RABEP1: variants seen among roughly 807,000 people sequenced by gnomAD.
The protein encoded by RABEP1 is rabaptin, RAB GTPase binding effector protein 1.
Under a neutral mutation model 123.4 loss-of-function variants are expected in RABEP1, and 51 were observed. The ratio of observed to expected loss-of-function variants is 0.41; its 90% CI spans 0.33 to 0.52. The LOEUF is 0.52. Ranked by LOEUF, RABEP1 falls within the 20% of genes least tolerant of loss-of-function variation. The pLI, the probability that RABEP1 is intolerant of heterozygous loss-of-function variation, is 0.16. For synonymous variants in RABEP1, 347 were observed against 355.2 expected (o/e 0.98, Z 0.26); for missense variants, 888 against 996.3 (o/e 0.89, Z 1.46).
chr17:5,291,498 A>C (rs2075033540), intron 1 of RABEP1, among the ~76,000 whole-genome samples: 1 of 152,262 alleles, frequency 6.6e-6, no homozygotes, highest in Admixed American at 6.5e-5. Flanking sequence ...TACAAATAAA[A>C]ATATTTTAAA....
At chr17:5,357,803 G>A (rs2144665321) in intron 8 of RABEP1, among the ~76,000 whole-genome samples, 1 of 152,290 alleles carries the variant, frequency 6.6e-6, no homozygotes. Flanking sequence ...GCCACAGCAG[G>A]GAAGCACCAG....
At chr17:5,314,238 T>TTC (rs2075273260) in intron 2 of RABEP1, among the ~76,000 whole-genome samples, 1 of 120,520 alleles carries the variant, frequency 8.3e-6, no homozygotes, top group Non-Finnish European at 1.7e-5. Flanking sequence ...CCTATTCTTT[T>TTC]TTTTTTTTTT....
intron 1 of RABEP1, among the ~76,000 whole-genome samples, chr17:5,288,975 G>A (rs2075005806): frequency 6.6e-6 from 1 of 152,094 alleles, no homozygotes; most frequent in Admixed American, 6.6e-5. Context: ...CAAAGTGCTG[G>A]GATTATAGGA....
At position 5,385,860 on chromosome 17, in the gene RABEP1, G is replaced by A. The variant is rs901924203; in HGVS notation, c.*2637G>A. On this transcript the variant is annotated 3_prime_UTR_variant, in exon 18 of 18. Transcript: ENST00000537505. ...TCCTAGGGTTCTATCCCTCTTCAGAGTCATGTTTCTGGTGCTGCTACTTTA... is the reference window on the plus strand; with the variant it reads ...TCCTAGGGTTCTATCCCTCTTCAGAATCATGTTTCTGGTGCTGCTACTTTA... 3.6e-6 allele frequency: 1 copy of A among 276,962 alleles called. No individual in the cohort carries two copies. The highest frequency in any genetic ancestry group is 2.2e-5 in the African/African-American group (1 of 46,376). 17.2% of individuals were successfully genotyped at this position (276,962 alleles called of 1,614,324 possible).
Position 5,369,145 on chromosome 17 carries a change from G to C in RABEP1, c.1884+677G>C, listed in dbSNP as rs1159297104. Reference sequence around the variant, plus strand: ...AAAATAACCTTATTAGTTTCACAGGGGTTATGAAAAAAAACATGTAACTGT... The same window carrying C: ...AAAATAACCTTATTAGTTTCACAGGCGTTATGAAAAAAAACATGTAACTGT... On this transcript the variant is annotated intron_variant, in intron 12 of 17. Coordinates refer to ENST00000537505, the MANE Select transcript of RABEP1 (RefSeq NM_004703.6). Among the ~76,000 whole-genome samples the C allele has an allele frequency of 2.0e-5, 3 of 152,104 alleles. No individual in the cohort carries two copies. In the East Asian group the frequency reaches 5.8e-4, roughly 29 times the overall value.
intron 16 of RABEP1, 54 bp from the exon 17 acceptor site, chr17:5,381,335 C>CTAAG: frequency 6.3e-7 from 1 of 1,584,076 alleles, no homozygotes; most frequent in Non-Finnish European, 8.6e-7. Flanking sequence ...ACTGGATTTC[C>CTAAG]TAAGTAATTC....
At chr17:5,291,106 A>G (rs1053715376) in intron 1 of RABEP1, among the ~76,000 whole-genome samples, 3 of 152,214 alleles carry the variant, frequency 2.0e-5, no homozygotes, top group Non-Finnish European at 2.9e-5. Flanking sequence ...CATAAAGTAC[A>G]AAGTGTAAAA....
At chr17:5,294,633 CTTTTTTTTTTTTTTTTTTTTTT>C (rs1185209680) in intron 1 of RABEP1, among the ~76,000 whole-genome samples, 2 of 53,024 alleles carry the variant, frequency 3.8e-5, no homozygotes, top group African/African-American at 1.3e-4. Context: ...ACGGTATTGT[CTTTTTTTTTTTTTTTTTTTTTT>C]TTTTTTTTTT....
intron 8 of RABEP1, among the ~76,000 whole-genome samples, chr17:5,358,274 A>C (rs1478447268): frequency 6.6e-6 from 1 of 151,944 alleles, no homozygotes; most frequent in African/African-American, 2.4e-5. Context: ...ATTTTTCGTT[A>C]TAAGTAATGT....
intron 12 of RABEP1, among the ~76,000 whole-genome samples, chr17:5,370,632 G>C (rs1016306300): frequency 1.4e-4 from 22 of 152,124 alleles, no homozygotes; most frequent in Middle Eastern, 3.2e-3. Flanking sequence ...ATTTGATTCA[G>C]GTTAGACATC....
At chr17:5,303,470 G>C (rs1314775444) in intron 1 of RABEP1, among the ~76,000 whole-genome samples, 1 of 152,080 alleles carries the variant, frequency 6.6e-6, no homozygotes, top group Non-Finnish European at 1.5e-5. Flanking sequence ...TTGAACTCCT[G>C]TCCTGAAGAG....
Position 5,385,420 on chromosome 17 carries a change from T to A in RABEP1, c.*2197T>A. On this transcript the variant is annotated 3_prime_UTR_variant, in exon 18 of 18. Coordinates refer to ENST00000537505, the MANE Select transcript of RABEP1 (RefSeq NM_004703.6). ...TTTACCTCTTACCTGTAACCTACCT[T>A]ATCATGTGGCTTTTAATTGACAGTC... 1 of 227,022 alleles carries A rather than the reference T, an allele frequency of 4.4e-6. No individual in the cohort carries two copies. Among genetic ancestry groups the A allele is most frequent in the African/African-American group, 2.3e-5 (1 of 44,174 alleles). 14.1% of individuals were successfully genotyped at this position (227,022 alleles called of 1,614,324 possible).
At chr17:5,285,669 G>A (rs1215752552) in intron 1 of RABEP1, among the ~76,000 whole-genome samples, 1 of 152,122 alleles carries the variant, frequency 6.6e-6, no homozygotes, top group African/African-American at 2.4e-5. Context: ...TCATAGCAAT[G>A]GTACTATTGA....
chr17:5,348,409 A>G (rs1309924213), intron 6 of RABEP1, among the ~76,000 whole-genome samples: 3 of 152,228 alleles, frequency 2.0e-5, no homozygotes, highest in Non-Finnish European at 4.4e-5. Flanking sequence ...AAGGAAGTCT[A>G]AGAAAAGCAG....
At chr17:5,377,752 C>G (rs974086707) in intron 14 of RABEP1, among the ~76,000 whole-genome samples, 5 of 152,086 alleles carry the variant, frequency 3.3e-5, no homozygotes, top group Admixed American at 2.0e-4. Flanking sequence ...GTCTCGAACT[C>G]CTGACCTCAG....
At position 5,381,474 on chromosome 17, in the gene RABEP1, G is replaced by A. The variant is rs1227179206; in HGVS notation, c.2456G>A (p.Arg819Lys). ...TTAGATGTCAGTGAGCAAGTCCAGA[G>A]GGATTTTGTAAAGCTTTCACAGACC... is the stretch of plus-strand genomic sequence containing the variant. ...TELDVSEQVQ[R>K]DFVKLSQTLQ... The change falls in exon 17 of 18, where the codon AGG becomes AAG. Residue 819 changes from arginine (R) to lysine (K), a missense_variant. Arg to Lys is a conservative substitution (Grantham distance 26, BLOSUM62 2). Transcript: ENST00000537505. 1.2e-6 allele frequency: 2 copies of A among 1,613,736 alleles called. No homozygotes were observed. Among genetic ancestry groups the A allele is most frequent in the Admixed American group, 1.7e-5 (1 of 59,998 alleles).
rs79636407 is a variant in RABEP1 at position 5,361,608 on chromosome 17, G to C, written c.1496G>C (p.Ser499Thr). 14 of 1,614,172 alleles carry C rather than the reference G, an allele frequency of 8.7e-6. No homozygotes were observed. In the African/African-American group the frequency reaches 1.2e-4, roughly 14 times the overall value. The change falls in exon 9 of 18, where the codon AGT becomes ACT. Residue 499 changes from serine (S) to threonine (T), a missense_variant. Transcript: ENST00000537505. The part of the protein sequence containing the change: ...LLSSVTQGME[S>T]AYVSPSGYRL... ...TCCAGCGTTACCCAGGGCATGGAGA[G>C]TGCCTATGTGTCCCCTAGTGGTTAT...
At chr17:5,320,425 A>C (rs2075342307) in intron 2 of RABEP1, among the ~76,000 whole-genome samples, 1 of 71,852 alleles carries the variant, frequency 1.4e-5, no homozygotes, top group African/African-American at 8.3e-5. Flanking sequence ...ACACACCAAA[A>C]AAAAAAAAAA....
chr17:5,326,822 A>G (rs59587437), intron 2 of RABEP1, among the ~76,000 whole-genome samples: 20,671 of 152,096 alleles, frequency 0.14, 1,466 homozygotes, highest in East Asian at 0.18. Flanking sequence ...AAATAAGAAA[A>G]TACAGTTATG....
Sources: gnomAD v4.1 joint callset for allele counts (sites outside exome capture counted in the v4.1 genomes callset) on GRCh38, gnomAD v4.1.1 for gene constraint, MANE v1.5 for transcripts, NCBI Gene and HGNC (gene_info 2026-07-23, HGNC 2026-07-21) for gene names.